WDR27: variants seen among roughly 807,000 people sequenced by gnomAD.
WDR27 encodes the protein WD repeat domain 27.
In WDR27, 100 loss-of-function variants were observed where a neutral mutation model predicts 114.4. That is an observed-to-expected ratio of 0.87 (90% CI 0.74 to 1.03). The LOEUF (loss-of-function observed/expected upper bound fraction) is 1.03. WDR27 is among the 50% of genes least tolerant of loss of function. The pLI is 0.00. For synonymous variants in WDR27, 449 were observed against 423.1 expected (o/e 1.06, Z -0.75); for missense variants, 1,129 against 1,092.9 (o/e 1.03, Z -0.47).
intron 2 of WDR27, among the ~76,000 whole-genome samples, chr6:169,688,465 G>A (rs1328103140): frequency 6.6e-6 from 1 of 152,006 alleles, no homozygotes; most frequent in Non-Finnish European, 1.5e-5. Context: ...TTATTATGTG[G>A]AACTTTTTTT....
intron 8 of WDR27, among the ~76,000 whole-genome samples, chr6:169,662,717 G>A (rs1367295795): frequency 8.7e-5 from 12 of 137,186 alleles, no homozygotes; most frequent in Non-Finnish European, 1.8e-4. Flanking sequence ...CCAGCATGAC[G>A]CGTGTGCACC....
chr6:169,692,246 A>G (rs535977255), intron 1 of WDR27, among the ~76,000 whole-genome samples: 21 of 152,228 alleles, frequency 1.4e-4, no homozygotes, highest in Non-Finnish European at 2.5e-4. Context: ...GCCATCCCTG[A>G]CTGTATCTCA....
Position 169,662,442 on chromosome 6 carries a change from G to A in WDR27, c.905-18C>T. The A allele has an allele frequency of 3.1e-6, 5 of 1,612,586 alleles. No homozygotes were observed. Among genetic ancestry groups the A allele is most frequent in the South Asian group, 1.1e-5 (1 of 90,964 alleles). The stretch of plus-strand genomic sequence containing the variant: ...GCTTTCTTCTAGGGACAGAATTATT[G>A]AGAATCTAAGAAGTGAACTTAAATG... On this transcript the variant is annotated intron_variant, in intron 8 of 25. Transcript: ENST00000448612.
In WDR27 at chr6:169,647,040, C is replaced by T. The variant is rs545007520; in HGVS notation, c.1657+733G>A. On this transcript the variant is annotated intron_variant, in intron 16 of 25. Coordinates refer to ENST00000448612, the MANE Select transcript of WDR27 (RefSeq NM_182552.5). ...TACCGGCCCAGATAGGACTTTGTGT[C>T]CAGCCCCAGGCAGGGGCACAGCTTG... Among the ~76,000 whole-genome samples, 5 of 152,258 alleles carry T rather than the reference C, an allele frequency of 3.3e-5. No homozygotes were observed. In the East Asian group the frequency reaches 9.7e-4, roughly 29 times the overall value.
At chr6:169,664,451 T>C (rs1827201706) in intron 7 of WDR27, 165 bp from the exon 8 acceptor site, 1 of 1,485,210 alleles carries the variant, frequency 6.7e-7, no homozygotes, top group African/African-American at 1.4e-5. Flanking sequence ...ACATCCCCTC[T>C]GGAGGCCCTC....
At chr6:169,483,427 T>C (rs1009431037) in intron 25 of WDR27, among the ~76,000 whole-genome samples, 10 of 152,064 alleles carry the variant, frequency 6.6e-5, no homozygotes, top group African/African-American at 2.4e-4. Flanking sequence ...AAGAAATGGA[T>C]AAATTAAATC....
At chr6:169,605,595 T>TAAA (rs35496118) in intron 22 of WDR27, among the ~76,000 whole-genome samples, 2 of 145,308 alleles carry the variant, frequency 1.4e-5, no homozygotes, top group Non-Finnish European at 3.0e-5. Flanking sequence ...TTTTTTACAT[T>TAAA]AAAAAAAAAA....
intron 18 of WDR27, among the ~76,000 whole-genome samples, chr6:169,637,462 T>A (rs912047459): frequency 6.6e-6 from 1 of 152,266 alleles, no homozygotes; most frequent in East Asian, 1.9e-4. Context: ...TGCATCTATC[T>A]GCGTGTGTGC....
At chr6:169,495,637 G>C (rs1790305100) in intron 25 of WDR27, among the ~76,000 whole-genome samples, 1 of 151,984 alleles carries the variant, frequency 6.6e-6, no homozygotes, top group South Asian at 2.1e-4. Flanking sequence ...TAAGAGAGCA[G>C]CACTATGAAC....
chr6:169,471,098 G>C (rs973035538), intron 25 of WDR27, among the ~76,000 whole-genome samples: 1 of 152,012 alleles, frequency 6.6e-6, no homozygotes, highest in Admixed American at 6.5e-5. Context: ...TTGAGTCCTA[G>C]GCTGACTACA....
intron 25 of WDR27, among the ~76,000 whole-genome samples, chr6:169,463,531 G>A (rs1255165297): frequency 5.9e-5 from 9 of 152,124 alleles, no homozygotes; most frequent in Non-Finnish European, 1.3e-4. Context: ...TGGTATCAAA[G>A]TTCAAGCCAG....
intron 25 of WDR27, among the ~76,000 whole-genome samples, chr6:169,518,125 G>A (rs1793909070): frequency 6.6e-6 from 1 of 152,232 alleles, no homozygotes; most frequent in African/African-American, 2.4e-5. Context: ...CCCAATGGCT[G>A]CTCTCACAGG....
intron 25 of WDR27, among the ~76,000 whole-genome samples, chr6:169,540,381 A>G (rs1411845583): frequency 1.3e-5 from 2 of 151,726 alleles, no homozygotes; most frequent in African/African-American, 4.8e-5. Context: ...TACTTCTGTC[A>G]TATCTGGAAG....
At chr6:169,495,672 A>G (rs1034895702) in intron 25 of WDR27, among the ~76,000 whole-genome samples, 1 of 152,110 alleles carries the variant, frequency 6.6e-6, no homozygotes, top group African/African-American at 2.4e-5. Flanking sequence ...CAATTTGATA[A>G]CCTAGATGAA....
At chr6:169,695,839 GAA>G (rs1254327528) in intron 1 of WDR27, among the ~76,000 whole-genome samples, 1 of 152,196 alleles carries the variant, frequency 6.6e-6, no homozygotes, top group East Asian at 1.9e-4. Flanking sequence ...GCTAGAGAGA[GAA>G]GAGTTGGGAT....
At chr6:169,537,797 G>A (rs528037342) in intron 25 of WDR27, among the ~76,000 whole-genome samples, 3 of 152,306 alleles carry the variant, frequency 2.0e-5, no homozygotes, top group African/African-American at 7.2e-5. Flanking sequence ...AAGCAGCCCA[G>A]CTGTTAAGAG....
intron 25 of WDR27, among the ~76,000 whole-genome samples, chr6:169,562,783 T>G (rs1216734836): frequency 6.6e-6 from 1 of 152,028 alleles, no homozygotes; most frequent in Non-Finnish European, 1.5e-5. Context: ...ATCTGTACAA[T>G]CTGCAGAAGT....
At chr6:169,575,699 A>G (rs10945442) in intron 24 of WDR27, among the ~76,000 whole-genome samples, 69,435 of 152,094 alleles carry the variant, frequency 0.46, 19,808 homozygotes, top group Non-Finnish European at 0.65. Flanking sequence ...TTCCTAAAAT[A>G]AAAATTTCAA....
chr6:169,459,727 C>A (rs1343595591), intron 25 of WDR27, among the ~76,000 whole-genome samples: 1 of 152,080 alleles, frequency 6.6e-6, no homozygotes. Context: ...ACAAAGGATT[C>A]TCTGAGATTA....
Sources: allele counts gnomAD v4.1 joint callset (sites outside exome capture counted in the v4.1 genomes callset), GRCh38; gene constraint gnomAD v4.1.1; transcripts MANE v1.5; gene names NCBI Gene and HGNC (gene_info 2026-07-23, HGNC 2026-07-21).